The following CADM1 variants were observed in gnomAD, a reference collection of about 807,000 sequenced individuals.
CADM1 encodes the protein TSLC-1.
A neutral mutation model predicts 53.1 loss-of-function variants in CADM1; 15 were observed. That is an observed-to-expected ratio of 0.28 (90% CI 0.19 to 0.44). The LOEUF is 0.44. CADM1 is among the 20% of genes least tolerant of loss of function. The pLI, the probability that CADM1 is intolerant of heterozygous loss-of-function variation, is 1.00. For synonymous variants in CADM1, 281 were observed against 243.0 expected (o/e 1.16, Z -1.45); for missense variants, 434 against 611.3 (o/e 0.71, Z 3.06).
intron 1 of CADM1, among the ~76,000 whole-genome samples, chr11:115,451,595 C>T (rs1948573295): frequency 6.6e-6 from 1 of 152,218 alleles, no homozygotes; most frequent in Non-Finnish European, 1.5e-5. Context: ...TACTGTTATT[C>T]ATTCAAACAT....
chr11:115,224,607 A>T (rs1313215121), intron 5 of CADM1, among the ~76,000 whole-genome samples: 2 of 152,174 alleles, frequency 1.3e-5, no homozygotes, highest in Non-Finnish European at 2.9e-5. Flanking sequence ...AGCAGAAGCC[A>T]CACAGCAGTA....
intron 10 of CADM1, among the ~76,000 whole-genome samples, chr11:115,183,296 A>T (rs185962992): frequency 3.3e-5 from 5 of 152,334 alleles, no homozygotes; most frequent in African/African-American, 9.6e-5. Flanking sequence ...GCCTGTATTA[A>T]ACAGGGCTCT....
At position 115,214,391 on chromosome 11, in the gene CADM1, T is replaced by C. The variant is rs1215932497; in HGVS notation, c.994+217A>G. ...TCCTTCTCAGCATGACCAAAGACTG[T>C]GATCTAGTAGAAACACCCACCATTA... On this transcript the variant is annotated intron_variant, in intron 7 of 11. Coordinates refer to ENST00000331581, the MANE Select transcript of CADM1 (RefSeq NM_001301043.2). 8.7e-6 allele frequency: 5 copies of C among 577,038 alleles called. No homozygotes were observed. The Admixed American group carries it at 1.5e-4, about 17-fold the overall frequency. The allele number at this position is 577,038 out of a possible 1,614,324, so 35.7% of individuals were successfully genotyped here. A position where few individuals can be genotyped will look rare whatever the true frequency, so the allele number is the denominator to read the frequency against.
intron 1 of CADM1, among the ~76,000 whole-genome samples, chr11:115,329,994 C>A (rs1945089972): frequency 6.6e-6 from 1 of 150,632 alleles, no homozygotes; most frequent in Admixed American, 6.6e-5. Flanking sequence ...GCTTGTGGAG[C>A]CTAGGGTCTG....
intron 1 of CADM1, among the ~76,000 whole-genome samples, chr11:115,297,818 T>C (rs566785940): frequency 1.4e-4 from 22 of 152,298 alleles, no homozygotes; most frequent in African/African-American, 5.3e-4. Flanking sequence ...TGTGCATGAG[T>C]AGACAGAACA....
chr11:115,365,894 A>G lies in CADM1; in HGVS notation c.125-125474T>C, dbSNP rs531194903. On this transcript the variant is annotated intron_variant, in intron 1 of 11. Coordinates refer to ENST00000331581, the MANE Select transcript of CADM1 (RefSeq NM_001301043.2). Reference sequence around the variant, plus strand: ...GAAATTCAGGATCATTAACATGGGAAGATTTTACCCAAGTGTCCCACACGG... The same window carrying G: ...GAAATTCAGGATCATTAACATGGGAGGATTTTACCCAAGTGTCCCACACGG... 7.2e-5 allele frequency among the ~76,000 whole-genome samples: 11 copies of G among 152,324 alleles called. No homozygotes were observed. The East Asian group carries it at 2.1e-3, about 29-fold the overall frequency.
At chr11:115,267,446 C>T (rs1309841046) in intron 1 of CADM1, among the ~76,000 whole-genome samples, 1 of 152,152 alleles carries the variant, frequency 6.6e-6, no homozygotes, top group Non-Finnish European at 1.5e-5. Flanking sequence ...GGGATATTTA[C>T]TTACATATTC....
At chr11:115,339,903 T>C (rs1342183166) in intron 1 of CADM1, 5 of 151,992 alleles carry the variant, frequency 3.3e-5, no homozygotes, top group African/African-American at 1.2e-4. Flanking sequence ...AGTATTTTAG[T>C]ATAAAAGAGG....
At chr11:115,488,534 A>G (rs2135422675) in intron 1 of CADM1, among the ~76,000 whole-genome samples, 1 of 152,310 alleles carries the variant, frequency 6.6e-6, no homozygotes, top group Admixed American at 6.5e-5. Flanking sequence ...TTACAGCAAT[A>G]AACTCTGGTT....
intron 1 of CADM1, among the ~76,000 whole-genome samples, chr11:115,332,611 A>G (rs1945160905): frequency 6.6e-6 from 1 of 152,126 alleles, no homozygotes; most frequent in African/African-American, 2.4e-5. Context: ...ATGGTATGGC[A>G]CTTACATATG....
chr11:115,457,876 C>T (rs1948712734), intron 1 of CADM1, among the ~76,000 whole-genome samples: 1 of 152,100 alleles, frequency 6.6e-6, no homozygotes, highest in Non-Finnish European at 1.5e-5. Flanking sequence ...ATAAAAACTG[C>T]AAAGCCCAAT....
intron 1 of CADM1, among the ~76,000 whole-genome samples, chr11:115,503,490 G>A (rs2135452075): frequency 6.6e-6 from 1 of 152,232 alleles, no homozygotes; most frequent in African/African-American, 2.4e-5. Context: ...CCCCACTCGT[G>A]GCAGAGGACG....
chr11:115,401,311 A>C (rs551855801), intron 1 of CADM1, among the ~76,000 whole-genome samples: 1 of 152,382 alleles, frequency 6.6e-6, no homozygotes, highest in African/African-American at 2.4e-5. Context: ...CAGAGACAGT[A>C]AAAAGATCAG....
At chr11:115,390,507 A>G (rs577122193) in intron 1 of CADM1, among the ~76,000 whole-genome samples, 2 of 151,962 alleles carry the variant, frequency 1.3e-5, no homozygotes, top group Non-Finnish European at 2.9e-5. Context: ...ACTGAGGCAG[A>G]GAAAGAAGGG....
intron 8 of CADM1, among the ~76,000 whole-genome samples, chr11:115,205,065 C>A (rs140826179): frequency 4.9e-4 from 74 of 152,228 alleles, no homozygotes; most frequent in African/African-American, 1.7e-3. Context: ...TATAGCTATT[C>A]ATTTCTTATT....
At chr11:115,195,636 T>G (rs1022833210) in intron 9 of CADM1, among the ~76,000 whole-genome samples, 4 of 152,174 alleles carry the variant, frequency 2.6e-5, no homozygotes, top group African/African-American at 9.7e-5. Context: ...AATGAAGAAG[T>G]TGGGTTTTCA....
intron 1 of CADM1, among the ~76,000 whole-genome samples, chr11:115,242,696 C>T (rs1942282935): frequency 1.3e-5 from 2 of 152,138 alleles, no homozygotes; most frequent in Non-Finnish European, 2.9e-5. Context: ...GGGATTTCTT[C>T]TATCAAAGGA....
intron 1 of CADM1, among the ~76,000 whole-genome samples, chr11:115,496,673 G>A (rs1378955661): frequency 1.3e-5 from 2 of 152,198 alleles, no homozygotes; most frequent in Admixed American, 6.5e-5. Flanking sequence ...GAGGACTAGA[G>A]TAGGGGGAAC....
intron 10 of CADM1, among the ~76,000 whole-genome samples, chr11:115,183,948 C>G (rs946476375): frequency 6.6e-6 from 1 of 152,154 alleles, no homozygotes; most frequent in East Asian, 1.9e-4. Context: ...TTTTTTGCAA[C>G]AGTTCTGTCA....
Sources: allele counts gnomAD v4.1 joint callset (sites outside exome capture counted in the v4.1 genomes callset), GRCh38; gene constraint gnomAD v4.1.1; transcripts MANE v1.5; gene names NCBI Gene and HGNC (gene_info 2026-07-23, HGNC 2026-07-21).